Variants in BTAF1 observed in about 807,000 individuals in gnomAD.
BTAF1 encodes the protein B-TFIID TATA-box binding protein associated factor 1, also known as TATA-binding protein-associated factor 172.
BTAF1 carries 38 observed loss-of-function variants against 227.1 expected under a neutral mutation model. That is an observed-to-expected ratio of 0.17 (90% CI 0.13 to 0.22). BTAF1 has a LOEUF of 0.22. Ranked by LOEUF, BTAF1 falls within the 10% of genes least tolerant of loss-of-function variation. The pLI is 1.00. For missense variants in BTAF1, 1,598 were observed against 2,204.0 expected (o/e 0.73, Z 5.51); for synonymous variants, 742 against 751.9 (o/e 0.99, Z 0.21).
intron 18 of BTAF1, among the ~76,000 whole-genome samples, chr10:91,983,631 T>A (rs74149342): frequency 0.014 from 2,058 of 152,268 alleles, 48 homozygotes; most frequent in African/African-American, 0.045. Flanking sequence ...TTCATGGACT[T>A]ACTCTGTGAA....
At chr10:91,996,335 A>C (rs1270597957) in intron 23 of BTAF1, 34 bp from the exon 24 acceptor site, 20 of 1,580,368 alleles carry the variant, frequency 1.3e-5, no homozygotes, top group Non-Finnish European at 1.7e-5. Flanking sequence ...GTATTTCCTA[A>C]TAATTCTAAT....
In BTAF1 at chr10:91,950,148, T is replaced by TGTGG. The variant is rs1554851556; in HGVS notation, c.401-1254_401-1253insTGGG. Among the ~76,000 whole-genome samples, 4 of 24,380 alleles carry TGTGG rather than the reference T, an allele frequency of 1.6e-4. No homozygotes were observed. The East Asian group carries it at 4.0e-3, about 24-fold the overall frequency. 16.0% of individuals were successfully genotyped at this position (24,380 alleles called of 152,430 possible). A position where few individuals can be genotyped will look rare whatever the true frequency, so the allele number is the denominator to read the frequency against. The stretch of plus-strand genomic sequence containing the variant: ...TCAGAGTGAGAGACCTTGTCCTTTG[T>TGTGG]GGGGGGGGGCGGGAAAGAAGACTAG... On this transcript the variant is annotated intron_variant, in intron 4 of 37. Transcript: ENST00000265990.
At chr10:91,950,201 G>A (rs938958143) in intron 4 of BTAF1, among the ~76,000 whole-genome samples, 25 of 150,262 alleles carry the variant, frequency 1.7e-4, no homozygotes, top group Admixed American at 1.1e-3. Context: ...TAGCTGCCAC[G>A]CATTTCATGT....
intron 36 of BTAF1, 49 bp from the exon 37 acceptor site, chr10:92,027,081 C>A: frequency 6.4e-7 from 1 of 1,557,644 alleles, no homozygotes; most frequent in Non-Finnish European, 8.7e-7. Flanking sequence ...TCGTTGGAAC[C>A]TCAAAGCATA....
intron 14 of BTAF1, among the ~76,000 whole-genome samples, chr10:91,970,726 A>C (rs996993935): frequency 1.3e-5 from 2 of 152,206 alleles, no homozygotes; most frequent in African/African-American, 2.4e-5. Flanking sequence ...AGTTTACAGT[A>C]TGGTTGCTAT....
chr10:91,962,701 T>G (rs1396525490), intron 12 of BTAF1, 23 bp downstream of exon 12: 2 of 1,567,048 alleles, frequency 1.3e-6, no homozygotes, highest in African/African-American at 1.4e-5. Flanking sequence ...TTTTTACAGT[T>G]TCTTACTATA....
At position 91,933,475 on chromosome 10, in the gene BTAF1, C is replaced by T. The variant is rs954611369; in HGVS notation, c.15-2182C>T. Among the ~76,000 whole-genome samples the T allele has an allele frequency of 5.3e-5, 8 of 151,956 alleles. No homozygotes were observed. The Middle Eastern group carries it at 0.017, about 323-fold the overall frequency. ...CAAGGATTGAATATGAGTATTCTCC[C>T]GATATTCATATTAAGAGTATTAAGA... On this transcript the variant is annotated intron_variant, in intron 1 of 37. Transcript: ENST00000265990.
chr10:91,995,000 A>G (rs74149351), intron 23 of BTAF1, among the ~76,000 whole-genome samples: 2,059 of 152,318 alleles, frequency 0.014, 48 homozygotes, highest in African/African-American at 0.045. Context: ...ATATAATGAA[A>G]TCTGTTTCCT....
At chr10:92,008,344 G>GA in intron 26 of BTAF1, 69 bp downstream of exon 26, 1 of 1,386,766 alleles carries the variant, frequency 7.2e-7, no homozygotes, top group Non-Finnish European at 9.6e-7. Context: ...TGTTGGGGGG[G>GA]GCTTTTGTTT....
intron 25 of BTAF1, among the ~76,000 whole-genome samples, chr10:92,001,989 C>CAA (rs1849577241): frequency 9.8e-6 from 1 of 102,480 alleles, no homozygotes; most frequent in Non-Finnish European, 2.2e-5. Flanking sequence ...TATATATACA[C>CAA]ACACACACAC....
chr10:92,006,192 G>A (rs950509388), intron 25 of BTAF1, among the ~76,000 whole-genome samples: 1 of 152,146 alleles, frequency 6.6e-6, no homozygotes, highest in Non-Finnish European at 1.5e-5. Flanking sequence ...TCAGTCTGTT[G>A]CAATATGTTG....
Position 92,006,351 on chromosome 10 carries a change from T to TA in BTAF1, c.3661-1771dup, listed in dbSNP as rs1849881493. 2.0e-5 allele frequency among the ~76,000 whole-genome samples: 3 copies of TA among 152,356 alleles called. No individual in the cohort carries two copies. In the South Asian group the frequency reaches 6.2e-4, roughly 32 times the overall value. On this transcript the variant is annotated intron_variant, in intron 25 of 37. Transcript: ENST00000265990. ...CAAAAAGAGAAAGTTTGTTAAGTGT[T>TA]ATGTGCAATATAGAATCTAAATCCT...
chr10:91,952,337 A>G (rs1455250160), intron 5 of BTAF1, among the ~76,000 whole-genome samples: 3 of 152,004 alleles, frequency 2.0e-5, no homozygotes, highest in African/African-American at 4.8e-5. Context: ...CTCTTCCTCT[A>G]TTCCAGTTCC....
At chr10:92,012,790 A>T (rs1468031822) in intron 30 of BTAF1, among the ~76,000 whole-genome samples, 1 of 142,402 alleles carries the variant, frequency 7.0e-6, no homozygotes, top group Non-Finnish European at 1.6e-5. Flanking sequence ...AAAAAAAAAA[A>T]GCTTAAAAAT....
chr10:92,017,431 C>G (rs1850813960), intron 33 of BTAF1, among the ~76,000 whole-genome samples: 1 of 152,134 alleles, frequency 6.6e-6, no homozygotes, highest in Admixed American at 6.5e-5. Context: ...CCACAGAAAA[C>G]CTCCTGCTAA....
At chr10:91,961,306 T>C (rs534634801) in intron 11 of BTAF1, among the ~76,000 whole-genome samples, 56 of 152,340 alleles carry the variant, frequency 3.7e-4, no homozygotes, top group Admixed American at 1.2e-3. Context: ...TTGGCCTATA[T>C]AGGCATTTCA....
At chr10:91,982,059 T>G (rs753522330) in intron 16 of BTAF1, 24 bp from the exon 17 acceptor site, 18 of 1,577,410 alleles carry the variant, frequency 1.1e-5, no homozygotes, top group South Asian at 5.9e-5. Context: ...ATCTTTATTG[T>G]TTTTTTTTCC....
chr10:92,011,711 A>G (rs1177446110), intron 30 of BTAF1, among the ~76,000 whole-genome samples: 3 of 152,216 alleles, frequency 2.0e-5, no homozygotes, highest in African/African-American at 7.2e-5. Flanking sequence ...TTCTCCTTCC[A>G]TAGTAGTACA....
rs201680142 is a variant in BTAF1 at position 91,982,709 on chromosome 10, T to C, written c.2171T>C (p.Leu724Ser). The C allele has an allele frequency of 6.2e-7, 1 of 1,613,974 alleles. No individual in the cohort carries two copies. Among genetic ancestry groups the C allele is most frequent in the Non-Finnish European group, 8.5e-7 (1 of 1,179,900 alleles). Residue 724 changes from leucine to serine, a missense_variant, in exon 18 of 38, where the codon TTA (leucine) becomes TCA (serine). Physicochemically the swap from Leu to Ser is moderately radical, Grantham distance 145. Around this residue, in one of 10 missense-constraint regions of BTAF1, gnomAD observed 318 missense variants for 435.0 expected, o/e 0.73. Coordinates refer to ENST00000265990, the MANE Select transcript of BTAF1 (RefSeq NM_003972.3). ...LLFHLNSKSA[L>S]QRISVALVIC... ...TTCCATTTGAACTCCAAGTCTGCTT[T>C]ACAGAGGATTAGTGTAGCTTTGGTA...
Sources: gnomAD v4.1 joint callset for allele counts (sites outside exome capture counted in the v4.1 genomes callset) on GRCh38, gnomAD v4.1.1 for gene constraint, gnomAD v4.1.1 regional missense constraint, MANE v1.5 for transcripts, NCBI Gene and HGNC (gene_info 2026-07-23, HGNC 2026-07-21) for gene names.